Variants in ASCC1 observed in about 807,000 individuals in gnomAD.
The protein encoded by ASCC1 is ASC-1 complex subunit P50.
A neutral mutation model predicts 46.6 loss-of-function variants in ASCC1; 35 were observed. The observed-to-expected ratio is 0.75, with a 90% CI of 0.57 to 0.99. The LOEUF (loss-of-function observed/expected upper bound fraction) is 0.99, where lower values mean the gene tolerates loss of function less well. ASCC1 is among the 50% of genes least tolerant of loss of function. The pLI is 0.00. For synonymous variants in ASCC1, 143 were observed against 146.6 expected (o/e 0.98, Z 0.18); for missense variants, 376 against 428.7 (o/e 0.88, Z 1.09).
intron 9 of ASCC1, among the ~76,000 whole-genome samples, chr10:72,104,911 G>A (rs1344818312): frequency 6.6e-6 from 1 of 152,144 alleles, no homozygotes; most frequent in Non-Finnish European, 1.5e-5. Flanking sequence ...TGAGTTCAGA[G>A]GGATGGCTGG....
At chr10:72,190,065 C>T (rs1854180462) in intron 5 of ASCC1, 1 of 758,408 alleles carries the variant, frequency 1.3e-6, no homozygotes, top group African/African-American at 1.7e-5. Flanking sequence ...GCTCCCCACC[C>T]CACCCAGCCT....
At chr10:72,121,727 A>G (rs142749986) in intron 9 of ASCC1, among the ~76,000 whole-genome samples, 1 of 152,272 alleles carries the variant, frequency 6.6e-6, no homozygotes, top group Non-Finnish European at 1.5e-5. Flanking sequence ...TATGTGCCTA[A>G]AAACAGTGTC....
chr10:72,213,667 G>A (rs1858535830), intron 1 of ASCC1, among the ~76,000 whole-genome samples: 2 of 151,910 alleles, frequency 1.3e-5, no homozygotes, highest in South Asian at 4.1e-4. Context: ...CAGCACTTTG[G>A]GAGGCCAAGG....
chr10:72,180,278 TAAAAAGAA>T (rs1160685851), intron 5 of ASCC1, among the ~76,000 whole-genome samples: 6 of 138,266 alleles, frequency 4.3e-5, no homozygotes, highest in African/African-American at 1.6e-4. Flanking sequence ...GACCCCGTCT[TAAAAAGAA>T]AAAAAGAAAA....
Position 72,199,677 on chromosome 10 carries a change from G to A in ASCC1, c.311-2688C>T, listed in dbSNP as rs551275293. 2.5e-4 allele frequency among the ~76,000 whole-genome samples: 38 copies of A among 152,090 alleles called. 1 individual carries two copies. The highest frequency in any genetic ancestry group is 7.9e-4 in the African/African-American group (33 of 41,526). ...TCTCAATCTCCTGACCTCATGATCCGCCCACCCCGGCATGAGCTAACACGC... is the reference window on the plus strand; with the variant it reads ...TCTCAATCTCCTGACCTCATGATCCACCCACCCCGGCATGAGCTAACACGC... On this transcript the variant is annotated intron_variant, in intron 4 of 9. Coordinates refer to ENST00000672957, the MANE Select transcript of ASCC1 (RefSeq NM_001198800.3).
intron 6 of ASCC1, among the ~76,000 whole-genome samples, chr10:72,153,714 C>T (rs1848634465): frequency 6.6e-6 from 1 of 151,516 alleles, no homozygotes; most frequent in East Asian, 1.9e-4. Flanking sequence ...GTGTGAGCCA[C>T]CACGCCTGGC....
At chr10:72,103,410 G>A (rs1842016083) in intron 9 of ASCC1, among the ~76,000 whole-genome samples, 1 of 152,116 alleles carries the variant, frequency 6.6e-6, no homozygotes, top group Admixed American at 6.5e-5. Context: ...GGGATTACAG[G>A]CGTGAGCCAC....
intron 7 of ASCC1, among the ~76,000 whole-genome samples, chr10:72,143,475 T>A (rs1272643223): frequency 6.6e-6 from 1 of 151,634 alleles, no homozygotes; most frequent in African/African-American, 2.4e-5. Context: ...GTAGCTGGGA[T>A]TACAGATGCA....
chr10:72,196,772 T>A (rs1855492060), intron 5 of ASCC1, 39 bp downstream of exon 5: 2 of 1,576,830 alleles, frequency 1.3e-6, no homozygotes, highest in African/African-American at 2.7e-5. Flanking sequence ...TTTTTATATT[T>A]AACTTTTTTT....
chr10:72,140,161 T>C (rs1348620395), intron 7 of ASCC1, among the ~76,000 whole-genome samples: 1 of 152,048 alleles, frequency 6.6e-6, no homozygotes, highest in Non-Finnish European at 1.5e-5. Context: ...AAATAACACA[T>C]AACTCCCTGC....
At chr10:72,215,272 G>A (rs1202300113) in intron 1 of ASCC1, among the ~76,000 whole-genome samples, 1 of 152,202 alleles carries the variant, frequency 6.6e-6, no homozygotes, top group Non-Finnish European at 1.5e-5. Context: ...GGTGGCGGGC[G>A]CCTGTAGTCC....
At chr10:72,197,130 T>C (rs952517908) in intron 4 of ASCC1, 141 bp from the exon 5 acceptor site, 2 of 767,780 alleles carry the variant, frequency 2.6e-6, no homozygotes, top group African/African-American at 1.7e-5. Context: ...ATAACAAATA[T>C]AAGAAAACTG....
At chr10:72,181,564 A>AT (rs1471845478) in intron 5 of ASCC1, among the ~76,000 whole-genome samples, 1 of 152,042 alleles carries the variant, frequency 6.6e-6, no homozygotes, top group East Asian at 1.9e-4. Flanking sequence ...GGAATATTTA[A>AT]TTTTTTTCTT....
At chr10:72,164,172 G>C (rs2132724557) in intron 5 of ASCC1, among the ~76,000 whole-genome samples, 1 of 152,142 alleles carries the variant, frequency 6.6e-6, no homozygotes. Flanking sequence ...ATGTTGGACA[G>C]GCTGATCTCC....
chr10:72,194,617 CAT>C (rs1284914316), intron 5 of ASCC1, among the ~76,000 whole-genome samples: 1 of 152,080 alleles, frequency 6.6e-6, no homozygotes, highest in Non-Finnish European at 1.5e-5. Context: ...ATTCAGCACT[CAT>C]AACAAAATAG....
At chr10:72,114,763 A>G (rs947801028) in intron 9 of ASCC1, among the ~76,000 whole-genome samples, 1 of 152,216 alleles carries the variant, frequency 6.6e-6, no homozygotes, top group African/African-American at 2.4e-5. Flanking sequence ...TAAATGCATC[A>G]TATTTAATCA....
chr10:72,215,878 A>C (rs1490491491), intron 1 of ASCC1: 2 of 152,414 alleles, frequency 1.3e-5, no homozygotes, highest in Non-Finnish European at 2.9e-5. Context: ...GAGAAGGAGA[A>C]GAGGACTAGG....
chr10:72,182,058 A>G (rs1852708464), intron 5 of ASCC1, among the ~76,000 whole-genome samples: 1 of 152,224 alleles, frequency 6.6e-6, no homozygotes, highest in Non-Finnish European at 1.5e-5. Flanking sequence ...AAGACATTCG[A>G]GGAAATAATG....
intron 5 of ASCC1, among the ~76,000 whole-genome samples, chr10:72,188,900 A>G (rs1304178601): frequency 6.6e-6 from 1 of 152,010 alleles, no homozygotes; most frequent in African/African-American, 2.4e-5. Context: ...AAAACTACAG[A>G]TATGTGCCAC....
Sources: gnomAD v4.1 joint callset for allele counts (sites outside exome capture counted in the v4.1 genomes callset) on GRCh38, gnomAD v4.1.1 for gene constraint, MANE v1.5 for transcripts, NCBI Gene and HGNC (gene_info 2026-07-23, HGNC 2026-07-21) for gene names.